The following IL1RAPL1 variants were observed in gnomAD, a reference collection of about 807,000 sequenced individuals.
The protein encoded by IL1RAPL1 is interleukin 1 receptor accessory protein like 1.
IL1RAPL1 carries 3 observed loss-of-function variants against 48.4 expected under a neutral mutation model. The ratio of observed to expected loss-of-function variants is 0.06; its 90% CI spans 0.03 to 0.16. The LOEUF (loss-of-function observed/expected upper bound fraction) is 0.16. Among genes scored for constraint, IL1RAPL1 ranks in the 10% least tolerant of loss-of-function variants. The pLI, the probability that IL1RAPL1 is intolerant of heterozygous loss-of-function variation, is 1.00. For synonymous variants in IL1RAPL1, 185 were observed against 187.7 expected, an observed-to-expected ratio of 0.99 and a Z score of 0.12; for missense variants, 349 against 530.6, an observed-to-expected ratio of 0.66 and a Z score of 3.36.
At chrX:29,727,327 T>G (rs762022246) in intron 6 of IL1RAPL1, among the ~76,000 whole-genome samples, 1 of 112,180 alleles carries the variant, frequency 8.9e-6, no homozygotes, top group South Asian at 3.7e-4. Flanking sequence ...TGCCAGATGC[T>G]TCAAATGGTC....
At position 29,788,492 on chromosome X, in the gene IL1RAPL1, C is replaced by T. The variant is rs147546622; in HGVS notation, c.778+119988C>T. Among the ~76,000 whole-genome samples, 961 of 111,316 alleles carry T rather than the reference C, an allele frequency of 8.6e-3. 7 individuals carry two copies. Among genetic ancestry groups the T allele is most frequent in the Middle Eastern group, 0.033 (7 of 213 alleles). On this transcript the variant is annotated intron_variant, in intron 6 of 10. Coordinates refer to ENST00000378993, the MANE Select transcript of IL1RAPL1 (RefSeq NM_014271.4). ...TTGAATTCATAATGGAAGCTGTTGC[C>T]GTTTTCATATACATCAATTCTTTTT...
chrX:29,246,809 T>A (rs1377002721), intron 2 of IL1RAPL1, among the ~76,000 whole-genome samples: 3 of 111,361 alleles, frequency 2.7e-5, no homozygotes, highest in South Asian at 3.8e-4. Flanking sequence ...TCTAGAGCTG[T>A]TCCCAAAGAT....
chrX:29,956,050 C>T lies in IL1RAPL1; in HGVS notation c.*230C>T, dbSNP rs928936589. ...CATTTTTTGACTTTGTTTTATATGTCGTTGGAATTTGTAAATTTACATTTT... is the reference window on the plus strand; with the variant it reads ...CATTTTTTGACTTTGTTTTATATGTTGTTGGAATTTGTAAATTTACATTTT... On this transcript the variant is annotated 3_prime_UTR_variant, in exon 11 of 11. Transcript: ENST00000378993. 6 of 395,643 alleles carry T rather than the reference C, an allele frequency of 1.5e-5. No homozygotes were observed. Among genetic ancestry groups the T allele is most frequent in the Admixed American group, 1.3e-4 (3 of 23,362 alleles). 32.6% of individuals were successfully genotyped at this position (395,643 alleles called of 1,213,427 possible).
At chrX:28,651,297 G>A (rs60039146) in intron 1 of IL1RAPL1, among the ~76,000 whole-genome samples, 11,800 of 111,503 alleles carry the variant, frequency 0.11, 670 homozygotes, top group African/African-American at 0.23. Flanking sequence ...TATGAGATTC[G>A]GATTTTAGTG....
intron 5 of IL1RAPL1, among the ~76,000 whole-genome samples, chrX:29,406,297 G>C (rs993914377): frequency 9.1e-6 from 1 of 110,191 alleles, no homozygotes; most frequent in East Asian, 2.9e-4. Context: ...GCTGAGGCAG[G>C]AGAATGGCGT....
intron 3 of IL1RAPL1, among the ~76,000 whole-genome samples, chrX:29,337,487 C>A (rs1161741993): frequency 9.0e-6 from 1 of 111,266 alleles, no homozygotes; most frequent in Non-Finnish European, 1.9e-5. Flanking sequence ...AGGCGTCTTG[C>A]AGCTCATGAC....
chrX:29,102,790 C>G (rs1480771330), intron 2 of IL1RAPL1, among the ~76,000 whole-genome samples: 2 of 110,828 alleles, frequency 1.8e-5, no homozygotes, highest in African/African-American at 6.6e-5. Flanking sequence ...TTGCAGGTTA[C>G]AAAATCAACA....
At chrX:29,047,420 A>G (rs1488915204) in intron 2 of IL1RAPL1, among the ~76,000 whole-genome samples, 3 of 112,558 alleles carry the variant, frequency 2.7e-5, no homozygotes, top group Admixed American at 9.4e-5. Context: ...ATCTGTAGCA[A>G]TGTTACAACA....
chrX:29,578,338 T>C (rs1476771578), intron 5 of IL1RAPL1, among the ~76,000 whole-genome samples: 1 of 112,204 alleles, frequency 8.9e-6, no homozygotes, highest in Non-Finnish European at 1.9e-5. Context: ...TGTACTTGTT[T>C]TCTTATTAGC....
At chrX:29,506,025 A>G (rs1291675239) in intron 5 of IL1RAPL1, among the ~76,000 whole-genome samples, 4 of 111,910 alleles carry the variant, frequency 3.6e-5, no homozygotes, top group African/African-American at 1.3e-4. Context: ...GCTTCTCATG[A>G]ATTTTTCAGT....
chrX:29,803,642 T>C (rs1353513959), intron 6 of IL1RAPL1, among the ~76,000 whole-genome samples: 2 of 104,001 alleles, frequency 1.9e-5, no homozygotes, highest in East Asian at 6.1e-4. Context: ...TGTATATATA[T>C]ACACGCGTGT....
intron 2 of IL1RAPL1, among the ~76,000 whole-genome samples, chrX:29,255,142 C>CGCGTGT (rs775882278): frequency 1.6e-5 from 1 of 62,407 alleles, no homozygotes; most frequent in African/African-American, 4.0e-5. Context: ...TGTGTGTGTG[C>CGCGTGT]GTGTGTGTGT....
chrX:28,752,309 A>G (rs969300920), intron 1 of IL1RAPL1, among the ~76,000 whole-genome samples: 1 of 111,630 alleles, frequency 9.0e-6, no homozygotes, highest in Non-Finnish European at 1.9e-5. Context: ...CAGTTCTACA[A>G]TAATACTGTA....
At chrX:28,956,031 A>G (rs1210097924) in intron 2 of IL1RAPL1, among the ~76,000 whole-genome samples, 1 of 106,087 alleles carries the variant, frequency 9.4e-6, no homozygotes, top group Non-Finnish European at 1.9e-5. Flanking sequence ...CTTTGAAGCA[A>G]TTGTGAATGG....
Position 29,611,601 on chromosome X carries a change from C to T in IL1RAPL1, c.704-56829C>T, listed in dbSNP as rs759524690. On this transcript the variant is annotated intron_variant, in intron 5 of 10. Coordinates refer to ENST00000378993, the MANE Select transcript of IL1RAPL1 (RefSeq NM_014271.4). ...GCGCCATGGTCACTCTTATTTGGCTCAGAATAAATCTCTAAAAATATTTTA... is the reference window on the plus strand; with the variant it reads ...GCGCCATGGTCACTCTTATTTGGCTTAGAATAAATCTCTAAAAATATTTTA... Among the ~76,000 whole-genome samples the T allele has an allele frequency of 9.9e-5, 11 of 111,659 alleles. No individual in the cohort carries two copies. In the Admixed American group the frequency reaches 1.0e-3, roughly 11 times the overall value.
intron 1 of IL1RAPL1, among the ~76,000 whole-genome samples, chrX:28,766,868 G>C (rs1012686459): frequency 1.8e-5 from 2 of 110,607 alleles, no homozygotes; most frequent in African/African-American, 6.6e-5. Flanking sequence ...CAAATGACAA[G>C]ATCTCTTTTT....
chrX:29,951,034 A>G (rs941057622), intron 9 of IL1RAPL1, among the ~76,000 whole-genome samples: 2 of 111,427 alleles, frequency 1.8e-5, no homozygotes, highest in Non-Finnish European at 3.8e-5. Flanking sequence ...GAGTATTCCA[A>G]AGGAGCCTTG....
At chrX:28,589,611 T>G (rs1286483070) in intron 1 of IL1RAPL1, among the ~76,000 whole-genome samples, 1 of 111,437 alleles carries the variant, frequency 9.0e-6, no homozygotes, top group Non-Finnish European at 1.9e-5. Flanking sequence ...TACCCTAGGA[T>G]TGAAATATAT....
intron 2 of IL1RAPL1, among the ~76,000 whole-genome samples, chrX:29,224,259 G>A (rs1462646525): frequency 9.0e-6 from 1 of 111,066 alleles, no homozygotes; most frequent in Admixed American, 9.6e-5. Flanking sequence ...TATGTTGTCA[G>A]TATTAACATT....
Sources: gnomAD v4.1 joint callset for allele counts (sites outside exome capture counted in the v4.1 genomes callset) on GRCh38, gnomAD v4.1.1 for gene constraint, MANE v1.5 for transcripts, NCBI Gene and HGNC (gene_info 2026-07-23, HGNC 2026-07-21) for gene names.